Variants in STPG2 observed in about 807,000 individuals in gnomAD.
STPG2 encodes sperm tail PG-rich repeat containing 2.
STPG2 carries 56 observed loss-of-function variants against 54.2 expected under a neutral mutation model. The observed-to-expected ratio is 1.03, with a 90% confidence interval of 0.83 to 1.29. The LOEUF (loss-of-function observed/expected upper bound fraction) is 1.29, where lower values mean the gene tolerates loss of function less well. Among genes scored for constraint, STPG2 ranks in the 50% most tolerant of loss-of-function variants. STPG2 has a pLI of 0.00. For synonymous variants in STPG2, 200 were observed against 181.8 expected (o/e 1.10, Z -0.81); for missense variants, 596 against 544.9 (o/e 1.09, Z -0.93).
At chr4:97,647,194 G>T in intron 10 of STPG2, among the ~76,000 whole-genome samples, 1 of 152,126 alleles carries the variant, frequency 6.6e-6, no homozygotes, top group Non-Finnish European at 1.5e-5. Flanking sequence ...GCATGGGCAT[G>T]TTGCCAGGCT....
intron 4 of STPG2, among the ~76,000 whole-genome samples, chr4:97,501,549 A>T (rs1730725659): frequency 3.3e-5 from 5 of 151,940 alleles, no homozygotes; most frequent in Admixed American, 2.0e-4. Context: ...AAAAGAAATT[A>T]GCTGGGCATG....
At chr4:97,758,579 C>T (rs1725798121) in intron 9 of STPG2, among the ~76,000 whole-genome samples, 1 of 151,900 alleles carries the variant, frequency 6.6e-6, no homozygotes, top group South Asian at 2.1e-4. Flanking sequence ...CAATGAAAAC[C>T]AATGGACACA....
intron 8 of STPG2, among the ~76,000 whole-genome samples, chr4:97,897,152 T>C (rs758172496): frequency 1.2e-4 from 18 of 152,088 alleles, no homozygotes; most frequent in Non-Finnish European, 2.4e-4. Flanking sequence ...AGTGAAAATA[T>C]GCAGTATTTG....
chr4:97,713,163 C>T (rs9993179), intron 9 of STPG2, among the ~76,000 whole-genome samples: 89,674 of 151,980 alleles, frequency 0.59, 26,762 homozygotes, highest in South Asian at 0.68. Context: ...TTGAGCTGCA[C>T]TTGGAAATAC....
intron 9 of STPG2, among the ~76,000 whole-genome samples, chr4:97,746,723 T>A (rs1240320432): frequency 6.6e-6 from 1 of 151,252 alleles, no homozygotes; most frequent in Non-Finnish European, 1.5e-5. Context: ...ACTGTTGCTG[T>A]TAAATAACTT....
intron 8 of STPG2, among the ~76,000 whole-genome samples, chr4:97,883,949 G>A (rs144639221): frequency 0.024 from 3,602 of 152,198 alleles, 92 homozygotes; most frequent in Middle Eastern, 0.068. Flanking sequence ...AAGGAAGGCA[G>A]ATAGGAACAG....
chr4:97,972,207 C>G, intron 7 of STPG2, 73 bp downstream of exon 7: 2 of 994,216 alleles, frequency 2.0e-6, no homozygotes, highest in Non-Finnish European at 2.8e-6. Flanking sequence ...TTAATTATAA[C>G]ATGTAATTTC....
At chr4:98,103,618 G>C (rs760781285) in intron 5 of STPG2, among the ~76,000 whole-genome samples, 1 of 148,482 alleles carries the variant, frequency 6.7e-6, no homozygotes, top group South Asian at 2.1e-4. Context: ...TCCAGCCTGG[G>C]CAAGAAAAGC....
intron 10 of STPG2, among the ~76,000 whole-genome samples, chr4:97,699,920 C>T (rs915559585): frequency 6.6e-6 from 1 of 152,166 alleles, no homozygotes; most frequent in Non-Finnish European, 1.5e-5. Flanking sequence ...ACTTATATGC[C>T]ACTTTCATTT....
chr4:98,039,857 T>G (rs965841930), intron 5 of STPG2, among the ~76,000 whole-genome samples: 1 of 151,820 alleles, frequency 6.6e-6, no homozygotes, highest in Non-Finnish European at 1.5e-5. Flanking sequence ...GATTGCTGGA[T>G]GAAATGGTAA....
intron 10 of STPG2, among the ~76,000 whole-genome samples, chr4:97,581,257 GA>G (rs1487830951): frequency 6.6e-6 from 1 of 152,024 alleles, no homozygotes; most frequent in African/African-American, 2.4e-5. Flanking sequence ...TGCCACTCCA[GA>G]AGCACCACAA....
intron 10 of STPG2, among the ~76,000 whole-genome samples, chr4:97,619,099 A>C (rs569662085): frequency 1.3e-5 from 2 of 152,194 alleles, no homozygotes; most frequent in African/African-American, 4.8e-5. Context: ...AACTACATAT[A>C]CCCCTTCTAT....
At chr4:97,918,086 T>C (rs533043712) in intron 8 of STPG2, among the ~76,000 whole-genome samples, 184 of 152,068 alleles carry the variant, frequency 1.2e-3, no homozygotes, top group African/African-American at 4.2e-3. Flanking sequence ...AAAACCTAAA[T>C]CTCATGGCAA....
intron 3 of STPG2, 78 bp downstream of exon 3, chr4:98,128,350 T>C: frequency 7.8e-7 from 1 of 1,276,570 alleles, no homozygotes; most frequent in East Asian, 2.7e-5. Flanking sequence ...CTTGGAGAAA[T>C]AAGCCAGGAA....
At chr4:98,034,015 G>A (rs988134596) in intron 5 of STPG2, among the ~76,000 whole-genome samples, 2 of 152,046 alleles carry the variant, frequency 1.3e-5, no homozygotes, top group Admixed American at 6.5e-5. Flanking sequence ...GGCAAAAGCT[G>A]GAAGCATTCC....
chr4:98,035,596 G>A (rs139027001), intron 5 of STPG2, among the ~76,000 whole-genome samples: 303 of 152,240 alleles, frequency 2.0e-3, no homozygotes, highest in African/African-American at 7.1e-3. Flanking sequence ...CAGTTACTGG[G>A]TATATACCCA....
At chr4:97,602,770 A>G (rs1278360889) in intron 10 of STPG2, among the ~76,000 whole-genome samples, 3 of 151,792 alleles carry the variant, frequency 2.0e-5, no homozygotes. Context: ...TAGTCTGTAC[A>G]AGGATTCATT....
chr4:97,566,791 CA>C (rs1430993035), intron 10 of STPG2, among the ~76,000 whole-genome samples: 1 of 150,014 alleles, frequency 6.7e-6, no homozygotes, highest in Non-Finnish European at 1.5e-5. Context: ...AACAAGAAAC[CA>C]AACACTGCAT....
At position 97,922,650 on chromosome 4, in the gene STPG2, C is replaced by T. The variant is rs151135849; in HGVS notation, c.1044+21247G>A. On this transcript the variant is annotated intron_variant, in intron 8 of 10. Coordinates refer to ENST00000295268, the MANE Select transcript of STPG2 (RefSeq NM_174952.3). ...GTCTCTCAGCTCCAAACCTAGGAATCTGCAAACCATATTTATGCTTTGCCA... is the reference window on the plus strand; with the variant it reads ...GTCTCTCAGCTCCAAACCTAGGAATTTGCAAACCATATTTATGCTTTGCCA... Among the ~76,000 whole-genome samples, 46 of 152,370 alleles carry T rather than the reference C, an allele frequency of 3.0e-4. No individual in the cohort carries two copies. In the East Asian group the frequency reaches 8.7e-3, roughly 29 times the overall value.
Sources: gnomAD v4.1 joint callset for allele counts (sites outside exome capture counted in the v4.1 genomes callset) on GRCh38, gnomAD v4.1.1 for gene constraint, MANE v1.5 for transcripts, NCBI Gene and HGNC (gene_info 2026-07-23, HGNC 2026-07-21) for gene names.